Variants in CDH13 observed in about 807,000 individuals in gnomAD.
CDH13 encodes cadherin-13.
In CDH13, 24 loss-of-function variants were observed where a neutral mutation model predicts 63.8. That is an observed-to-expected ratio of 0.38 (90% CI 0.27 to 0.53). The LOEUF is 0.53. CDH13 is among the 20% of genes least tolerant of loss of function. The probability of loss-of-function intolerance (pLI) is 0.85; values close to 1 mark genes in which losing one functional copy is unlikely to be tolerated. For synonymous variants in CDH13, 503 were observed against 355.3 expected, an observed-to-expected ratio of 1.42 and a Z score of -4.67; for missense variants, 1,049 against 903.1, an observed-to-expected ratio of 1.16 and a Z score of -2.07.
chr16:82,767,811 G>A (rs1411146807), intron 1 of CDH13, among the ~76,000 whole-genome samples: 2 of 152,166 alleles, frequency 1.3e-5, no homozygotes, highest in African/African-American at 2.4e-5. Flanking sequence ...TCAGCTCCTG[G>A]TCATAAACTA....
chr16:83,621,373 G>C (rs1193767544), intron 8 of CDH13, among the ~76,000 whole-genome samples: 1 of 150,834 alleles, frequency 6.6e-6, no homozygotes, highest in Admixed American at 6.6e-5. Flanking sequence ...TGTGCACCAA[G>C]GGTTTGCTGA....
intron 7 of CDH13, among the ~76,000 whole-genome samples, chr16:83,579,731 G>T (rs942843241): frequency 6.6e-6 from 1 of 152,104 alleles, no homozygotes; most frequent in Non-Finnish European, 1.5e-5. Context: ...TGTGAATGGA[G>T]TCACAGCCCT....
chr16:83,011,642 C>T (rs1015951292), intron 2 of CDH13, among the ~76,000 whole-genome samples: 3 of 152,160 alleles, frequency 2.0e-5, no homozygotes, highest in African/African-American at 7.2e-5. Flanking sequence ...AGGTGAATGC[C>T]ACTGAGGGTT....
intron 2 of CDH13, among the ~76,000 whole-genome samples, chr16:82,951,550 G>A (rs1372743131): frequency 6.6e-6 from 1 of 152,148 alleles, no homozygotes; most frequent in Admixed American, 6.5e-5. Flanking sequence ...GCGAGACCAC[G>A]GCATGAGCTC....
chr16:82,908,288 C>T (rs1474623696), intron 2 of CDH13, among the ~76,000 whole-genome samples: 2 of 152,088 alleles, frequency 1.3e-5, no homozygotes, highest in Non-Finnish European at 2.9e-5. Context: ...AATTAAAATT[C>T]CAGAATGTTC....
chr16:83,178,637 T>C (rs2038224642), intron 4 of CDH13, among the ~76,000 whole-genome samples: 1 of 152,226 alleles, frequency 6.6e-6, no homozygotes, highest in African/African-American at 2.4e-5. Flanking sequence ...TGGTTGATTT[T>C]ATTTAAATGG....
intron 1 of CDH13, among the ~76,000 whole-genome samples, chr16:82,776,317 G>T (rs1299048299): frequency 9.9e-5 from 15 of 151,988 alleles, no homozygotes; most frequent in Admixed American, 9.8e-4. Flanking sequence ...AAAGAGAAAA[G>T]AAAAGAAAAG....
chr16:82,907,512 T>C (rs1475619606), intron 2 of CDH13, among the ~76,000 whole-genome samples: 1 of 152,224 alleles, frequency 6.6e-6, no homozygotes, highest in Non-Finnish European at 1.5e-5. Context: ...CATTTCTGCA[T>C]TACCAACAAT....
At chr16:83,401,177 C>T (rs2091962572) in intron 6 of CDH13, among the ~76,000 whole-genome samples, 1 of 151,804 alleles carries the variant, frequency 6.6e-6, no homozygotes. Context: ...CCCGTCTCTA[C>T]CAAAAATACA....
chr16:83,334,008 TACC>T (rs2090533411), intron 5 of CDH13, among the ~76,000 whole-genome samples: 1 of 152,152 alleles, frequency 6.6e-6, no homozygotes, highest in African/African-American at 2.4e-5. Context: ...TCCGCAGGGC[TACC>T]TTCACTCCTG....
intron 5 of CDH13, among the ~76,000 whole-genome samples, chr16:83,262,827 C>G (rs1283054331): frequency 4.6e-5 from 7 of 152,132 alleles, no homozygotes; most frequent in Non-Finnish European, 1.0e-4. Context: ...GTTTTAAAAG[C>G]TTTCTCCCAA....
At chr16:83,455,003 C>CCCAG (rs1366857888) in intron 6 of CDH13, among the ~76,000 whole-genome samples, 4 of 152,212 alleles carry the variant, frequency 2.6e-5, no homozygotes, top group African/African-American at 9.7e-5. Context: ...AGTCACCATG[C>CCCAG]CCAGCTCTCT....
At chr16:83,291,581 G>C (rs899166886) in intron 5 of CDH13, among the ~76,000 whole-genome samples, 1 of 152,010 alleles carries the variant, frequency 6.6e-6, no homozygotes, top group Non-Finnish European at 1.5e-5. Flanking sequence ...AATAATCCAA[G>C]ATAGAATTTT....
intron 4 of CDH13, among the ~76,000 whole-genome samples, chr16:83,149,484 G>C (rs1408452720): frequency 1.3e-5 from 2 of 152,118 alleles, no homozygotes; most frequent in African/African-American, 4.8e-5. Flanking sequence ...GAGGGGATAT[G>C]GTACAATTGA....
intron 3 of CDH13, among the ~76,000 whole-genome samples, chr16:83,068,971 T>G (rs1240663578): frequency 6.6e-6 from 1 of 152,196 alleles, no homozygotes; most frequent in Admixed American, 6.6e-5. Flanking sequence ...GGTTTGCTGT[T>G]GAGGCAAAAG....
At chr16:82,704,225 C>T (rs922320043) in intron 1 of CDH13, among the ~76,000 whole-genome samples, 1 of 152,170 alleles carries the variant, frequency 6.6e-6, no homozygotes, top group African/African-American at 2.4e-5. Flanking sequence ...TCTAGGGGCA[C>T]ACTGCCTCTA....
chr16:82,880,935 T>G (rs1361407632), intron 2 of CDH13, among the ~76,000 whole-genome samples: 3 of 152,188 alleles, frequency 2.0e-5, no homozygotes, highest in Non-Finnish European at 2.9e-5. Flanking sequence ...TGAAAACCAA[T>G]GGGATAAACT....
chr16:82,956,033 A>G (rs1472854720), intron 2 of CDH13, among the ~76,000 whole-genome samples: 2 of 152,056 alleles, frequency 1.3e-5, no homozygotes, highest in African/African-American at 4.8e-5. Context: ...AGTTCATTGA[A>G]CTCTCCAAGT....
At chr16:83,737,064 C>G (rs1388554161) in intron 10 of CDH13, among the ~76,000 whole-genome samples, 13 of 152,182 alleles carry the variant, frequency 8.5e-5, no homozygotes. Context: ...GGTGGGAGCT[C>G]AAAACAGTGG....
Sources: gnomAD v4.1 joint callset for allele counts (sites outside exome capture counted in the v4.1 genomes callset) on GRCh38, gnomAD v4.1.1 for gene constraint, MANE v1.5 for transcripts, NCBI Gene and HGNC (gene_info 2026-07-23, HGNC 2026-07-21) for gene names.